The following ZNF536 variants were observed in gnomAD, a reference collection of about 807,000 sequenced individuals.
The protein encoded by ZNF536 is zinc finger protein 536.
A neutral mutation model predicts 84.5 loss-of-function variants in ZNF536; 13 were observed. That is an observed-to-expected ratio of 0.15 (90% confidence interval 0.10 to 0.24). The LOEUF is 0.24. Ranked by LOEUF, ZNF536 falls within the 10% of genes least tolerant of loss-of-function variation. The pLI, the probability that ZNF536 is intolerant of heterozygous loss-of-function variation, is 1.00. For missense variants in ZNF536, 1,536 were observed against 1,747.5 expected, an observed-to-expected ratio of 0.88 and a Z score of 2.16; for synonymous variants, 811 against 742.5, an observed-to-expected ratio of 1.09 and a Z score of -1.50.
intron 4 of ZNF536, among the ~76,000 whole-genome samples, chr19:30,550,024 C>G (rs183116411): frequency 6.6e-6 from 1 of 152,304 alleles, no homozygotes; most frequent in African/African-American, 2.4e-5. Context: ...ATAAAGCGAC[C>G]TTCTCTCCAA....
chr19:30,230,500 G>C (rs1043263998), intron 1 of ZNF536, among the ~76,000 whole-genome samples: 8 of 152,188 alleles, frequency 5.3e-5, no homozygotes, highest in Non-Finnish European at 1.0e-4. Flanking sequence ...TTAACTGCTG[G>C]CCGGGCTGTC....
chr19:30,549,303 A>G lies in ZNF536; in HGVS notation c.3684A>G (p.Ala1228=). ...GACTGGTCTCACCTTTATCCCAAGC[A>G]CCGGAGAAGCAGTGGCACAGCCAGG... ...VQGLVSPLSQ[A]PEKQWHSQGL... Residue 1228 remains alanine, a synonymous_variant, in exon 4 of 5, where the codon GCA becomes GCG. Transcript: ENST00000355537. 6.2e-7 allele frequency: 1 copy of G among 1,612,918 alleles called. No individual in the cohort carries two copies. The highest frequency in any genetic ancestry group is 1.1e-5 in the South Asian group (1 of 91,030).
At chr19:30,320,244 A>G (rs940415855) in intron 2 of ZNF536, among the ~76,000 whole-genome samples, 6 of 152,212 alleles carry the variant, frequency 3.9e-5, no homozygotes, top group Non-Finnish European at 8.8e-5. Context: ...TTTGATGGTC[A>G]CTGTCATTTA....
At chr19:30,655,597 T>C (rs2049878788) in intron 1 of ZNF536, among the ~76,000 whole-genome samples, 1 of 152,018 alleles carries the variant, frequency 6.6e-6, no homozygotes, top group Non-Finnish European at 1.5e-5. Flanking sequence ...GGGAAGGGAA[T>C]GAGGTTGGGG....
intron 1 of ZNF536, among the ~76,000 whole-genome samples, chr19:30,700,044 TTTCTCTCC>T (rs1018733810): frequency 2.0e-5 from 3 of 148,692 alleles, no homozygotes. Context: ...CCTTTCTTTC[TTTCTCTCC>T]CTCCCTCCGC....
intron 2 of ZNF536, among the ~76,000 whole-genome samples, chr19:30,331,259 C>T (rs536839439): frequency 7.6e-6 from 1 of 131,072 alleles, no homozygotes; most frequent in South Asian, 2.6e-4. Context: ...ACTCCACACT[C>T]CAGCCTGGGG....
intron 1 of ZNF536, among the ~76,000 whole-genome samples, chr19:30,623,020 G>GTTTTTTTTTTGTT (rs2048540158): frequency 1.5e-5 from 2 of 129,542 alleles, no homozygotes; most frequent in African/African-American, 3.0e-5. Context: ...AAAATCTTGT[G>GTTTTTTTTTTGTT]TTTTTTTTTT....
At chr19:30,531,771 T>C (rs2044835298) in intron 2 of ZNF536, among the ~76,000 whole-genome samples, 1 of 151,980 alleles carries the variant, frequency 6.6e-6, no homozygotes, top group Non-Finnish European at 1.5e-5. Flanking sequence ...ACTACAGGCA[T>C]GCCCCACCAC....
intron 1 of ZNF536, among the ~76,000 whole-genome samples, chr19:30,375,158 G>GC (rs1416443003): frequency 6.7e-6 from 1 of 150,188 alleles, no homozygotes; most frequent in Non-Finnish European, 1.5e-5. Context: ...AGGAACGCGA[G>GC]CCCCGCCGCC....
At chr19:30,383,676 C>A (rs2049124774) in intron 1 of ZNF536, among the ~76,000 whole-genome samples, 2 of 12,148 alleles carry the variant, frequency 1.6e-4, no homozygotes, top group East Asian at 9.2e-4. Context: ...TTCTTTCTTC[C>A]TTTCTTCCTT....
rs749474864 is a variant in ZNF536, at chr19:30,549,084, G to A, written c.3465G>A (p.Lys1155=). 7 of 1,614,192 alleles carry A rather than the reference G, an allele frequency of 4.3e-6. 1 individual carries two copies. The highest frequency in any genetic ancestry group is 1.6e-4 in the Middle Eastern group (1 of 6,062). Residue 1155 remains lysine, a synonymous_variant, in exon 4 of 5, where the codon AAG becomes AAA. Coordinates refer to ENST00000355537, the MANE Select transcript of ZNF536 (RefSeq NM_014717.3). ...VPILIPETTS[K]NTTDDLSDIA... is the part of the protein sequence containing the mutation. ...TCCTGATCCCCGAAACCACGAGTAA[G>A]AACACTACTGATGACCTCTCTGACA...
At chr19:30,647,393 C>T (rs2049515401) in intron 1 of ZNF536, among the ~76,000 whole-genome samples, 1 of 152,136 alleles carries the variant, frequency 6.6e-6, no homozygotes, top group Non-Finnish European at 1.5e-5. Context: ...CTAACCGTTC[C>T]CCTGTTTCCT....
In ZNF536 at chr19:30,548,910, C is replaced by A; in HGVS notation, c.3291C>A (p.Thr1097=). 6.2e-7 allele frequency: 1 copy of A among 1,614,094 alleles called. No homozygotes were observed. The highest frequency in any genetic ancestry group is 1.1e-5 in the South Asian group (1 of 91,078). ...GAGAGCAGAAGAGCGGTGCATGGAC[C>A]GGCCACGTGGACCCTGCATTTTGTA... is the stretch of plus-strand genomic sequence containing the variant. The part of the protein sequence containing the change: ...TLGEQKSGAW[T]GHVDPAFCNF... The change falls in exon 4 of 5, where the codon ACC becomes ACA. Residue 1097 remains threonine (T), a synonymous_variant. Transcript: ENST00000355537.
At chr19:30,328,790 C>G (rs1444495301) in intron 2 of ZNF536, among the ~76,000 whole-genome samples, 1 of 152,220 alleles carries the variant, frequency 6.6e-6, no homozygotes, top group African/African-American at 2.4e-5. Flanking sequence ...GATCTTGAAG[C>G]TGGCGTTGCC....
chr19:30,658,312 G>A (rs559126208), intron 1 of ZNF536, among the ~76,000 whole-genome samples: 5 of 152,148 alleles, frequency 3.3e-5, no homozygotes, highest in South Asian at 2.1e-4. Context: ...GTGAGCAACC[G>A]TGCCTGGCCT....
Position 30,539,014 on chromosome 19 carries a change from C to G in ZNF536, c.2323+4015C>G, listed in dbSNP as rs529655093. 3.3e-5 allele frequency among the ~76,000 whole-genome samples: 5 copies of G among 151,096 alleles called. 1 individual carries two copies. The South Asian group carries it at 1.1e-3, about 32-fold the overall frequency. ...TTTGAGCCCAGGAGTTCAAGACCAG[C>G]CTGGGCCACATAGTGAGACCCCATC... On this transcript the variant is annotated intron_variant, in intron 3 of 4. Transcript: ENST00000355537.
At chr19:30,327,158 CT>C (rs901042016) in intron 2 of ZNF536, among the ~76,000 whole-genome samples, 2 of 152,116 alleles carry the variant, frequency 1.3e-5, no homozygotes, top group African/African-American at 4.8e-5. Context: ...AATAAAAAGC[CT>C]TTTTTCCCCC....
intron 1 of ZNF536, among the ~76,000 whole-genome samples, chr19:30,585,590 A>G (rs2047068038): frequency 6.6e-6 from 1 of 152,176 alleles, no homozygotes; most frequent in African/African-American, 2.4e-5. Flanking sequence ...CCATTGGCTC[A>G]GGGTGGGATG....
At chr19:30,592,144 G>A (rs898311561) in intron 1 of ZNF536, among the ~76,000 whole-genome samples, 3 of 152,122 alleles carry the variant, frequency 2.0e-5, no homozygotes, top group Non-Finnish European at 2.9e-5. Flanking sequence ...ATACAGATGT[G>A]CAGAGTAATT....
Sources: allele counts gnomAD v4.1 joint callset (sites outside exome capture counted in the v4.1 genomes callset), GRCh38; gene constraint gnomAD v4.1.1; transcripts MANE v1.5; gene names NCBI Gene and HGNC (gene_info 2026-07-23, HGNC 2026-07-21).